The following PKD1L1 variants were observed in gnomAD, a reference collection of about 807,000 sequenced individuals.
PKD1L1 encodes polycystin-1-like protein 1.
Under a neutral mutation model 323.4 loss-of-function variants are expected in PKD1L1, and 236 were observed. That is an observed-to-expected ratio of 0.73 (90% CI 0.66 to 0.81). The LOEUF (loss-of-function observed/expected upper bound fraction) is 0.81. Among genes scored for constraint, PKD1L1 ranks in the 40% least tolerant of loss-of-function variants. The pLI, the probability that PKD1L1 is intolerant of heterozygous loss-of-function variation, is 0.00. For synonymous variants in PKD1L1, 1,344 were observed against 1,335.0 expected (o/e 1.01, Z -0.15); for missense variants, 3,320 against 3,508.0 (o/e 0.95, Z 1.35).
At chr7:47,915,976 GT>G (rs1405342969) in intron 7 of PKD1L1, among the ~76,000 whole-genome samples, 3 of 152,284 alleles carry the variant, frequency 2.0e-5, no homozygotes, top group East Asian at 3.9e-4. Context: ...TCCAACGGCA[GT>G]AAGAAGAAAG....
At position 47,881,971 on chromosome 7, in the gene PKD1L1, AG is replaced by A. The variant is rs773341663; in HGVS notation, c.3379del (p.Leu1127SerfsTer2). On this transcript the variant is annotated frameshift_variant, in exon 20 of 57. Transcript: ENST00000289672. LOFTEE classifies it high-confidence loss of function. ...CAGGGCCTTGGGCCAGTCAATCATG[AG>A]GACAGGCTCGGCTCTGCCTGCAGAC... Reference protein sequence around the residue: ...SLSAGRAEPVLMIDWPKALLG... With the variant: ...SLSAGRAEPVXMIDWPKALLG... 1.9e-6 allele frequency: 3 copies of A among 1,613,950 alleles called. No individual in the cohort carries two copies. The highest frequency in any genetic ancestry group is 2.5e-6 in the Non-Finnish European group (3 of 1,179,958).
intron 11 of PKD1L1, 120 bp downstream of exon 11, chr7:47,905,037 G>T: frequency 1.9e-6 from 2 of 1,079,130 alleles, no homozygotes; most frequent in Non-Finnish European, 2.7e-6. Context: ...GGACCTAGTG[G>T]CCCATTATAA....
intron 15 of PKD1L1, 104 bp downstream of exon 15, chr7:47,893,774 G>T (rs1213853357): frequency 5.7e-6 from 7 of 1,223,876 alleles, no homozygotes. Context: ...AAGTTGATGT[G>T]CTTAAAATTT....
chr7:47,789,957 C>T (rs539907084), intron 56 of PKD1L1, among the ~76,000 whole-genome samples: 15 of 151,746 alleles, frequency 9.9e-5, no homozygotes, highest in Admixed American at 3.3e-4. Flanking sequence ...GGTGTGATCT[C>T]GGCTCACCGC....
At chr7:47,828,408 A>G (rs17710832) in intron 44 of PKD1L1, among the ~76,000 whole-genome samples, 57,659 of 151,440 alleles carry the variant, frequency 0.38, 11,689 homozygotes, top group East Asian at 0.63. Flanking sequence ...GAAAGCTGAG[A>G]TCCAACAGGT....
chr7:47,808,608 T>C (rs577999487), intron 51 of PKD1L1, among the ~76,000 whole-genome samples: 11 of 152,356 alleles, frequency 7.2e-5, no homozygotes, highest in Admixed American at 1.3e-4. Context: ...TGAGACAGCC[T>C]ATTGTTCCCA....
At chr7:47,857,097 G>C (rs1156885582) in intron 28 of PKD1L1, among the ~76,000 whole-genome samples, 3 of 152,218 alleles carry the variant, frequency 2.0e-5, no homozygotes, top group Non-Finnish European at 4.4e-5. Flanking sequence ...CTCTCAGGGA[G>C]CCAGGGGCCA....
intron 15 of PKD1L1, among the ~76,000 whole-genome samples, chr7:47,891,156 G>A (rs1233454471): frequency 6.6e-6 from 1 of 152,188 alleles, no homozygotes; most frequent in Admixed American, 6.5e-5. Flanking sequence ...AGCTCCATGT[G>A]ACAGACAAGA....
At chr7:47,959,691 G>A in the PKD1L1 span, among the ~76,000 whole-genome samples, 1 of 139,406 alleles carries the variant, frequency 7.2e-6, no homozygotes, top group Non-Finnish European at 1.6e-5. Flanking sequence ...CGTCCGGGAG[G>A]GAGGTGGGGG....
chr7:47,777,808 G>GCTT (rs1188988324), intron 56 of PKD1L1, among the ~76,000 whole-genome samples: 1 of 152,162 alleles, frequency 6.6e-6, no homozygotes, highest in Non-Finnish European at 1.5e-5. Context: ...TCAGCACAAG[G>GCTT]CTTCTAATCT....
At chr7:47,779,241 G>T (rs957185908) in intron 56 of PKD1L1, among the ~76,000 whole-genome samples, 2 of 152,168 alleles carry the variant, frequency 1.3e-5, no homozygotes, top group Non-Finnish European at 2.9e-5. Flanking sequence ...AATCAAGCAG[G>T]CCCCATCACC....
intron 31 of PKD1L1, among the ~76,000 whole-genome samples, chr7:47,848,037 A>G (rs1236966618): frequency 1.3e-5 from 2 of 152,252 alleles, no homozygotes; most frequent in African/African-American, 4.8e-5. Context: ...TATAAAATGC[A>G]TATTAAAATG....
intron 7 of PKD1L1, 77 bp downstream of exon 7, chr7:47,929,127 T>C (rs1787710650): frequency 1.4e-6 from 2 of 1,434,108 alleles, no homozygotes; most frequent in Non-Finnish European, 1.9e-6. Context: ...TTCTTTTCTT[T>C]TCCCAACACT....
intron 27 of PKD1L1, among the ~76,000 whole-genome samples, chr7:47,858,178 T>C (rs1021226449): frequency 1.3e-5 from 2 of 152,172 alleles, no homozygotes; most frequent in African/African-American, 4.8e-5. Context: ...CACTTACTGC[T>C]TCTTGAAAGC....
chr7:47,815,431 A>G lies in PKD1L1; in HGVS notation c.6992T>C (p.Leu2331Pro). The G allele has an allele frequency of 6.2e-7, 1 of 1,610,492 alleles. No individual in the cohort carries two copies. The highest frequency in any genetic ancestry group is 1.1e-5 in the South Asian group (1 of 91,000). The change falls in exon 47 of 57, where the codon CTG becomes CCG. Residue 2331 changes from leucine to proline, a missense_variant. Transcript: ENST00000289672. ...TRNARNCLGG[L>P]RNIADWWDWS... ...GTCCCACCAGTCAGCGATGTTTCTC[A>G]GGCCACCCAAGCAGTTTCTGGCATT... is the stretch of plus-strand genomic sequence containing the variant.
chr7:47,820,984 C>T, intron 46 of PKD1L1, 92 bp downstream of exon 46: 1 of 719,350 alleles, frequency 1.4e-6, no homozygotes, highest in South Asian at 2.0e-5. Context: ...TCCAGTATTT[C>T]ATATGTGGGA....
chr7:47,883,713 G>A (rs148771785), intron 19 of PKD1L1, among the ~76,000 whole-genome samples: 2 of 152,296 alleles, frequency 1.3e-5, no homozygotes, highest in East Asian at 1.9e-4. Context: ...CAGCTGAGGA[G>A]GACTGTTGAA....
At chr7:47,949,477 A>C (rs540960111), upstream of PKD1L1, among the ~76,000 whole-genome samples, 4 of 150,408 alleles carry the variant, frequency 2.7e-5, no homozygotes, top group South Asian at 6.5e-4. Context: ...GGCAAGGCAC[A>C]CACTAGGCGC....
intron 15 of PKD1L1, 117 bp downstream of exon 15, chr7:47,893,761 C>T (rs1041540532): frequency 5.4e-5 from 59 of 1,094,588 alleles, no homozygotes; most frequent in African/African-American, 4.7e-4. Flanking sequence ...TTAAACTTAA[C>T]GAAAGTTGAT....
Sources: allele counts gnomAD v4.1 joint callset (sites outside exome capture counted in the v4.1 genomes callset), GRCh38; gene constraint gnomAD v4.1.1; transcripts MANE v1.5; gene names NCBI Gene and HGNC (gene_info 2026-07-23, HGNC 2026-07-21).